Variants in TSPAN11 observed in about 807,000 individuals in gnomAD.
The protein encoded by TSPAN11 is tetraspanin-11.
In TSPAN11, 29 loss-of-function variants were observed where a neutral mutation model predicts 32.9. The ratio of observed to expected loss-of-function variants is 0.88; its 90% CI spans 0.66 to 1.20. The LOEUF is 1.20. Ranked by LOEUF, TSPAN11 falls within the 50% of genes most tolerant of loss-of-function variation. The pLI is 0.00. For missense variants in TSPAN11, 283 were observed against 329.1 expected, an observed-to-expected ratio of 0.86 and a Z score of 1.08; for synonymous variants, 140 against 141.3, an observed-to-expected ratio of 0.99 and a Z score of 0.07.
intron 7 of TSPAN11, among the ~76,000 whole-genome samples, chr12:30,989,862 T>G (rs1418649333): frequency 6.6e-6 from 1 of 152,164 alleles, no homozygotes; most frequent in Admixed American, 6.5e-5. Context: ...GTTAAAAATG[T>G]CCCATGTGTG....
rs1482507172 is a variant in TSPAN11, at chr12:30,992,005, C to T, written c.*90C>T. ...GCCTGCAGAGTTAGCACCAGCTCCA[C>T]TAGGGCCATAGATGCCCCCTCCTTT... is the stretch of plus-strand genomic sequence containing the variant. On this transcript the variant is annotated 3_prime_UTR_variant, in exon 8 of 8. Transcript: ENST00000546076. 3 of 1,434,592 alleles carry T rather than the reference C, an allele frequency of 2.1e-6. No homozygotes were observed. The highest frequency in any genetic ancestry group is 4.6e-5 in the East Asian group (2 of 43,726). The allele number at this position is 1,434,592 out of a possible 1,614,324, so 88.9% of individuals were successfully genotyped here.
Position 30,982,600 on chromosome 12 carries a change from C to T in TSPAN11, c.525C>T (p.Ala175=), listed in dbSNP as rs750889888. The T allele has an allele frequency of 9.9e-6, 16 of 1,612,768 alleles. No homozygotes were observed. The highest frequency in any genetic ancestry group is 1.7e-5 in the Admixed American group (1 of 59,998). The change falls in exon 6 of 8, where the codon GCC becomes GCT. Residue 175 remains alanine, a synonymous_variant. Coordinates refer to ENST00000546076, the MANE Select transcript of TSPAN11 (RefSeq NM_001370302.1). The stretch of plus-strand genomic sequence containing the variant: ...GCACGTACATCCTGTTGCGGGAGGC[C>T]GAGGGCCGCCAGGTGCCCGACAGCT... The part of the protein sequence containing the change: ...QHSTYILLRE[A]EGRQVPDSCC...
At chr12:30,963,782 G>A (rs200591255) in intron 2 of TSPAN11, 44 bp from the exon 3 acceptor site, 38 of 1,582,778 alleles carry the variant, frequency 2.4e-5, no homozygotes, top group East Asian at 9.0e-5. Context: ...AGCAGCTGCC[G>A]AGGCCCCCGC....
rs535142130 is a variant in TSPAN11 at position 30,946,150 on chromosome 12, T to C, written c.-11-7831T>C. ...AAGTGTGGTTCCGAGACAAGCAGCA[T>C]CTGGGAGCAGTGGCCAGCCATCCTG... On this transcript the variant is annotated intron_variant, in intron 1 of 7. Coordinates refer to ENST00000546076, the MANE Select transcript of TSPAN11 (RefSeq NM_001370302.1). Among the ~76,000 whole-genome samples, 9 of 152,202 alleles carry C rather than the reference T, an allele frequency of 5.9e-5. No homozygotes were observed. In the East Asian group the frequency reaches 1.7e-3, roughly 29 times the overall value.
chr12:30,934,200 C>T (rs944725414), intron 1 of TSPAN11, among the ~76,000 whole-genome samples: 1 of 152,354 alleles, frequency 6.6e-6, no homozygotes, highest in African/African-American at 2.4e-5. Context: ...CCGGGAAGAC[C>T]CACTTCAGAT....
chr12:30,954,136 T>TGC, intron 2 of TSPAN11, 61 bp downstream of exon 2: 6 of 1,252,590 alleles, frequency 4.8e-6, no homozygotes, highest in Non-Finnish European at 7.0e-6. Flanking sequence ...AGCCACCTTT[T>TGC]GTTTTTTTGT....
In TSPAN11 at chr12:30,953,365, C is replaced by G. The variant is rs144872378; in HGVS notation, c.-11-616C>G. 7.0e-3 allele frequency among the ~76,000 whole-genome samples: 1,065 copies of G among 152,260 alleles called. 10 individuals carry two copies. Among genetic ancestry groups the G allele is most frequent in the African/African-American group, 0.02 (816 of 41,538 alleles). ...GCCCAAAGTATCACACATCTTGTGA[C>G]AGATCAGGGTGTGAACCCAGAGAGT... On this transcript the variant is annotated intron_variant, in intron 1 of 7. Transcript: ENST00000546076.
intron 3 of TSPAN11, among the ~76,000 whole-genome samples, chr12:30,967,739 C>G (rs571114634): frequency 1.6e-5 from 2 of 122,204 alleles, no homozygotes; most frequent in African/African-American, 6.1e-5. Flanking sequence ...CAGCCACCAA[C>G]GCAGGACTGT....
At chr12:30,999,313 C>A (rs373989330), downstream of TSPAN11, 18 of 139,448 alleles carry the variant, frequency 1.3e-4, 1 homozygote, top group African/African-American at 4.9e-4. Context: ...CCCTGTCAAC[C>A]AAAAGAAAAT....
At chr12:30,933,068 C>G (rs1034121044) in intron 1 of TSPAN11, among the ~76,000 whole-genome samples, 1 of 152,218 alleles carries the variant, frequency 6.6e-6, no homozygotes, top group African/African-American at 2.4e-5. Context: ...TGACTGACCC[C>G]TGCCAGAGCC....
chr12:30,999,665 A>G (rs1939459451), downstream of TSPAN11, among the ~76,000 whole-genome samples: 1 of 152,152 alleles, frequency 6.6e-6, no homozygotes, highest in Non-Finnish European at 1.5e-5. Context: ...AAGTTGAAAA[A>G]TCATAATTTG....
At chr12:30,940,164 T>C (rs1340069758) in intron 1 of TSPAN11, among the ~76,000 whole-genome samples, 1 of 152,182 alleles carries the variant, frequency 6.6e-6, no homozygotes, top group Non-Finnish European at 1.5e-5. Flanking sequence ...ATAGAAGCAA[T>C]GGCCTGAGTT....
intron 3 of TSPAN11, among the ~76,000 whole-genome samples, chr12:30,976,565 C>T (rs1938976226): frequency 6.6e-6 from 1 of 152,172 alleles, no homozygotes; most frequent in Admixed American, 6.5e-5. Flanking sequence ...CTGCATACCA[C>T]TCAGTACCAC....
intron 2 of TSPAN11, among the ~76,000 whole-genome samples, chr12:30,962,675 A>G (rs977336066): frequency 2.6e-5 from 4 of 152,300 alleles, no homozygotes; most frequent in Admixed American, 2.6e-4. Context: ...GCATGGACAG[A>G]GCCCAGGGCA....
intron 7 of TSPAN11, among the ~76,000 whole-genome samples, chr12:30,990,303 C>G (rs938392502): frequency 1.1e-4 from 17 of 152,208 alleles, no homozygotes; most frequent in Non-Finnish European, 2.1e-4. Context: ...CAGTCCTCCC[C>G]CAGCAGGAGA....
chr12:30,930,791 G>A (rs991832498), intron 1 of TSPAN11, among the ~76,000 whole-genome samples: 3 of 152,190 alleles, frequency 2.0e-5, no homozygotes, highest in African/African-American at 7.2e-5. Context: ...CTGTGGCGTC[G>A]GGCTGGGTAG....
intron 7 of TSPAN11, 24 bp downstream of exon 7, chr12:30,983,174 T>C: frequency 6.2e-7 from 1 of 1,600,208 alleles, no homozygotes; most frequent in Non-Finnish European, 8.5e-7. Flanking sequence ...CGGGGACTGG[T>C]GGGGGTGGAA....
chr12:30,966,562 C>G (rs1156778742), intron 3 of TSPAN11, among the ~76,000 whole-genome samples: 1 of 152,218 alleles, frequency 6.6e-6, no homozygotes, highest in Non-Finnish European at 1.5e-5. Context: ...AGATGTGGAG[C>G]AAGTAATGGC....
chr12:30,995,417 T>A lies in TSPAN11; in HGVS notation c.*3502T>A, dbSNP rs1939397374. ...CTGGGGCTCTGGGGTGGACCCTGTG[T>A]GATTTCTGTCAGGGAGCTTGTGCTG... On this transcript the variant is annotated 3_prime_UTR_variant, in exon 8 of 8. Coordinates refer to ENST00000546076, the MANE Select transcript of TSPAN11 (RefSeq NM_001370302.1). 1 of 152,488 alleles carries A rather than the reference T, an allele frequency of 6.6e-6. No homozygotes were observed. Among genetic ancestry groups the A allele is most frequent in the African/African-American group, 2.4e-5 (1 of 41,466 alleles). The allele number at this position is 152,488 out of a possible 1,614,324, so 9.4% of individuals were successfully genotyped here.
Sources: gnomAD v4.1 joint callset for allele counts (sites outside exome capture counted in the v4.1 genomes callset) on GRCh38, gnomAD v4.1.1 for gene constraint, MANE v1.5 for transcripts, NCBI Gene and HGNC (gene_info 2026-07-23, HGNC 2026-07-21) for gene names.